KLF6: variants seen among roughly 807,000 people sequenced by gnomAD.
The protein encoded by KLF6 is KLF transcription factor 6.
For missense variants in KLF6, 233 were observed against 359.8 expected (o/e 0.65, Z 2.85); for synonymous variants, 152 against 147.9 (o/e 1.03, Z -0.20).
chr10:3,777,658 T>C lies in KLF6; in HGVS notation c.*1881A>G, dbSNP rs1438026231. 2.1e-6 allele frequency: 1 copy of C among 483,476 alleles called. No individual in the cohort carries two copies. The highest frequency in any genetic ancestry group is 4.8e-5 in the East Asian group (1 of 20,864). The allele number at this position is 483,476 out of a possible 1,614,324, so 29.9% of individuals were successfully genotyped here. ...GTTATGGTTTTCATTTTTACCTCCT[T>C]TATGGCCATTTTGAAATATTTCTTC... On this transcript the variant is annotated 3_prime_UTR_variant, in exon 4 of 4. Transcript: ENST00000497571.
chr10:3,779,042 TTTTTTTGA>T lies in KLF6; in HGVS notation c.*489_*496del, dbSNP rs1425924697. 2 of 527,198 alleles carry T rather than the reference TTTTTTTGA, an allele frequency of 3.8e-6. No homozygotes were observed. The highest frequency in any genetic ancestry group is 3.6e-6 in the Non-Finnish European group (1 of 274,604). 32.7% of individuals were successfully genotyped at this position (527,198 alleles called of 1,614,324 possible). Reference sequence around the variant, plus strand: ...TTCTTTTTTTGTTTTTGTTTTTTTGTTTTTTTGATTTTTCTTTTTTTTTCTAAGGTGCA... The same window carrying T: ...TTCTTTTTTTGTTTTTGTTTTTTTGTTTTTTCTTTTTTTTTCTAAGGTGCA... On this transcript the variant is annotated 3_prime_UTR_variant, in exon 4 of 4. Transcript: ENST00000497571.
rs772560807 is a variant in KLF6 at position 3,785,015 on chromosome 10, G to A, written c.-1C>T. 4 of 1,610,680 alleles carry A rather than the reference G, an allele frequency of 2.5e-6. No individual in the cohort carries two copies. ...TGCTGCACATGGGGAGCACGTCCAT[G>A]TCGGGCCGGGTTGGACGGAGCCCGC... is the stretch of plus-strand genomic sequence containing the variant. On this transcript the variant is annotated 5_prime_UTR_variant, in exon 1 of 4. Coordinates refer to ENST00000497571, the MANE Select transcript of KLF6 (RefSeq NM_001300.6).
chr10:3,779,436 G>C lies in KLF6; in HGVS notation c.*103C>G, dbSNP rs1447864612. The C allele has an allele frequency of 1.0e-6, 1 of 1,004,046 alleles. No homozygotes were observed. Among genetic ancestry groups the C allele is most frequent in the South Asian group, 1.3e-5 (1 of 76,592 alleles). The allele number at this position is 1,004,046 out of a possible 1,614,324, so 62.2% of individuals were successfully genotyped here. A position where few individuals can be genotyped will look rare whatever the true frequency, so the allele number is the denominator to read the frequency against. On this transcript the variant is annotated 3_prime_UTR_variant, in exon 4 of 4. Transcript: ENST00000497571. ...GAGAGGCCCTGGAGGCAACTGGGTAGGGTGCAGAACGGCATGCTTTGGCTG... is the reference window on the plus strand; with the variant it reads ...GAGAGGCCCTGGAGGCAACTGGGTACGGTGCAGAACGGCATGCTTTGGCTG...
chr10:3,781,362 TG>T lies in KLF6; in HGVS notation c.676+278del. 2.2e-6 allele frequency: 3 copies of T among 1,394,588 alleles called. No individual in the cohort carries two copies. The highest frequency in any genetic ancestry group is 2.8e-6 in the Non-Finnish European group (3 of 1,053,844). The allele number at this position is 1,394,588 out of a possible 1,614,324, so 86.4% of individuals were successfully genotyped here. A position where few individuals can be genotyped will look rare whatever the true frequency, so the allele number is the denominator to read the frequency against. On this transcript the variant is annotated intron_variant, in intron 2 of 3. Coordinates refer to ENST00000497571, the MANE Select transcript of KLF6 (RefSeq NM_001300.6). The surrounding 1 kb of genome is among the most constrained non-coding windows in gnomAD (Gnocchi z 5.8). ...TCGGATCCCCAGCACTACTAAGGGG[TG>T]GGGGGTGGAGGTTTGGGTGTCCGTG...
At position 3,776,529 on chromosome 10, in the gene KLF6, C is replaced by A. The variant is rs1300458635; in HGVS notation, c.*3010G>T. ...ATCTGTTCCAACAACCCCCTTCCCC[C>A]AAAAAAAACAACCAGACTCAAGATG... On this transcript the variant is annotated 3_prime_UTR_variant, in exon 4 of 4. Transcript: ENST00000497571. The A allele has an allele frequency of 3.6e-5, 19 of 522,832 alleles. No individual in the cohort carries two copies. Among genetic ancestry groups the A allele is most frequent in the Non-Finnish European group, 5.2e-5 (14 of 270,312 alleles). 32.4% of individuals were successfully genotyped at this position (522,832 alleles called of 1,614,324 possible). A position where few individuals can be genotyped will look rare whatever the true frequency, so the allele number is the denominator to read the frequency against.
In KLF6 at chr10:3,779,206, C is replaced by T; in HGVS notation, c.*333G>A. 2 of 562,614 alleles carry T rather than the reference C, an allele frequency of 3.6e-6. No homozygotes were observed. Among genetic ancestry groups the T allele is most frequent in the South Asian group, 1.5e-5 (1 of 65,426 alleles). 34.9% of individuals were successfully genotyped at this position (562,614 alleles called of 1,614,324 possible). A position where few individuals can be genotyped will look rare whatever the true frequency, so the allele number is the denominator to read the frequency against. On this transcript the variant is annotated 3_prime_UTR_variant, in exon 4 of 4. Coordinates refer to ENST00000497571, the MANE Select transcript of KLF6 (RefSeq NM_001300.6). ...GCTAACCACAAGGAAAAAAAGTTGG[C>T]CTCATCATACGGTCAGTAATAGATC...
At position 3,781,539 on chromosome 10, in the gene KLF6, C is replaced by G; in HGVS notation, c.676+102G>C. Reference sequence around the variant, plus strand: ...TCTGAGGAAGTGAGGATTTGTCTGCCCTGACCACATCCTGTGCAGCCAGGC... The same window carrying G: ...TCTGAGGAAGTGAGGATTTGTCTGCGCTGACCACATCCTGTGCAGCCAGGC... On this transcript the variant is annotated intron_variant, in intron 2 of 3. Coordinates refer to ENST00000497571, the MANE Select transcript of KLF6 (RefSeq NM_001300.6). The surrounding 1 kb of genome is among the most constrained non-coding windows in gnomAD (Gnocchi z 5.8). 6.4e-7 allele frequency: 1 copy of G among 1,563,166 alleles called. No homozygotes were observed. Among genetic ancestry groups the G allele is most frequent in the Non-Finnish European group, 8.7e-7 (1 of 1,153,812 alleles).
Position 3,779,299 on chromosome 10 carries a change from C to A in KLF6, c.*240G>T, listed in dbSNP as rs753024057. 3.0e-6 allele frequency: 2 copies of A among 657,054 alleles called. No individual in the cohort carries two copies. Among genetic ancestry groups the A allele is most frequent in the South Asian group, 3.0e-5 (2 of 66,246 alleles). The allele number at this position is 657,054 out of a possible 1,614,324, so 40.7% of individuals were successfully genotyped here. A position where few individuals can be genotyped will look rare whatever the true frequency, so the allele number is the denominator to read the frequency against. On this transcript the variant is annotated 3_prime_UTR_variant, in exon 4 of 4. Coordinates refer to ENST00000497571, the MANE Select transcript of KLF6 (RefSeq NM_001300.6). ...ATGCTCACGGCAAAGGCTTAGGCGC[C>A]GCTCGGAAGGGCGGGTACCAGTGGC...
rs1832507533 is a variant in KLF6 at position 3,781,098 on chromosome 10, AGCGGTATCAGAAACAAAG to A, written c.676+525_676+542del. On this transcript the variant is annotated intron_variant, in intron 2 of 3. Transcript: ENST00000497571. This position sits in a 1 kb window ranked among gnomAD's most constrained non-coding sequence, Gnocchi z 5.8. ...GGCATTTCATTAAGAAACTGTTTCA[AGCGGTATCAGAAACAAAG>A]GCTGCATGAGACACGGAGAAGTTCT... The A allele has an allele frequency of 5.3e-6, 1 of 187,332 alleles. No homozygotes were observed. 11.6% of individuals were successfully genotyped at this position (187,332 alleles called of 1,614,324 possible). A position where few individuals can be genotyped will look rare whatever the true frequency, so the allele number is the denominator to read the frequency against.
chr10:3,779,447 G>A lies in KLF6; in HGVS notation c.*92C>T, dbSNP rs769193355. Reference sequence around the variant, plus strand: ...GAGGCAACTGGGTAGGGTGCAGAACGGCATGCTTTGGCTGGAACACGCATC... The same window carrying A: ...GAGGCAACTGGGTAGGGTGCAGAACAGCATGCTTTGGCTGGAACACGCATC... On this transcript the variant is annotated 3_prime_UTR_variant, in exon 4 of 4. Transcript: ENST00000497571. 2.1e-5 allele frequency: 23 copies of A among 1,116,636 alleles called. No individual in the cohort carries two copies. Among genetic ancestry groups the A allele is most frequent in the Admixed American group, 5.3e-5 (3 of 56,792 alleles). The allele number at this position is 1,116,636 out of a possible 1,614,324, so 69.2% of individuals were successfully genotyped here.
Position 3,782,307 on chromosome 10 carries a change from C to CA in KLF6, c.103-94dup. On this transcript the variant is annotated intron_variant, in intron 1 of 3. Coordinates refer to ENST00000497571, the MANE Select transcript of KLF6 (RefSeq NM_001300.6). This position sits in a 1 kb window ranked among gnomAD's most constrained non-coding sequence, Gnocchi z 4.3. ...TCCAAAAACATGCAAGAATGAAGGA[C>CA]AGATAACATTGCTGCCCGGTCACTA... 1 of 1,019,710 alleles carries CA rather than the reference C, an allele frequency of 9.8e-7. No individual in the cohort carries two copies. Among genetic ancestry groups the CA allele is most frequent in the East Asian group, 2.5e-5 (1 of 40,804 alleles). The allele number at this position is 1,019,710 out of a possible 1,614,324, so 63.2% of individuals were successfully genotyped here. A position where few individuals can be genotyped will look rare whatever the true frequency, so the allele number is the denominator to read the frequency against.
rs531985967 is a variant in KLF6, at chr10:3,779,214, T to C, written c.*325A>G. On this transcript the variant is annotated 3_prime_UTR_variant, in exon 4 of 4. Transcript: ENST00000497571. ...CAAGGAAAAAAAGTTGGCCTCATCA[T>C]ACGGTCAGTAATAGATCCTCAACAT... The C allele has an allele frequency of 1.8e-6, 1 of 566,662 alleles. No homozygotes were observed. Among genetic ancestry groups the C allele is most frequent in the Non-Finnish European group, 3.4e-6 (1 of 298,268 alleles). 35.1% of individuals were successfully genotyped at this position (566,662 alleles called of 1,614,324 possible). A position where few individuals can be genotyped will look rare whatever the true frequency, so the allele number is the denominator to read the frequency against.
chr10:3,778,750 GTT>G lies in KLF6; in HGVS notation c.*787_*788del, dbSNP rs754473233. On this transcript the variant is annotated 3_prime_UTR_variant, in exon 4 of 4. Coordinates refer to ENST00000497571, the MANE Select transcript of KLF6 (RefSeq NM_001300.6). ...TGACTTAAAAATGGAAAAGCATATA[GTT>G]CCCCAGACCATGCATGACTTTTTGT... 1.9e-6 allele frequency: 1 copy of G among 530,298 alleles called. No individual in the cohort carries two copies. 32.8% of individuals were successfully genotyped at this position (530,298 alleles called of 1,614,324 possible).
rs1832561189 is a variant in KLF6 at position 3,782,797 on chromosome 10, T to C, written c.103-583A>G. Among the ~76,000 whole-genome samples the C allele has an allele frequency of 6.6e-6, 1 of 152,200 alleles. No individual in the cohort carries two copies. The highest frequency in any genetic ancestry group is 2.4e-5 in the African/African-American group (1 of 41,454). On this transcript the variant is annotated intron_variant, in intron 1 of 3. Coordinates refer to ENST00000497571, the MANE Select transcript of KLF6 (RefSeq NM_001300.6). This position sits in a 1 kb window ranked among gnomAD's most constrained non-coding sequence, Gnocchi z 4.3. The stretch of plus-strand genomic sequence containing the variant: ...GCTGTCTGTATTCAGGGGCATCGAA[T>C]GGAGCTGCAGAAAAACCACCCATTT...
In KLF6 at chr10:3,778,449, G is replaced by A. The variant is rs1199396182; in HGVS notation, c.*1090C>T. On this transcript the variant is annotated 3_prime_UTR_variant, in exon 4 of 4. Transcript: ENST00000497571. ...AAAATTTTAGGTTCTTAAGTCTAAT[G>A]AAACATTAGACCAGCAATTCCCAGC... is the stretch of plus-strand genomic sequence containing the variant. 1 of 525,878 alleles carries A rather than the reference G, an allele frequency of 1.9e-6. No homozygotes were observed. The highest frequency in any genetic ancestry group is 1.5e-5 in the South Asian group (1 of 65,096). 32.6% of individuals were successfully genotyped at this position (525,878 alleles called of 1,614,324 possible).
At chr10:3,783,959 T>G (rs71477837) in intron 1 of KLF6, among the ~76,000 whole-genome samples, 18,102 of 152,204 alleles carry the variant, frequency 0.12, 1,258 homozygotes, top group Non-Finnish European at 0.16. Context: ...AGGAGAGGAC[T>G]GTGAACAATT....
At position 3,782,831 on chromosome 10, in the gene KLF6, G is replaced by C. The variant is rs1208087929; in HGVS notation, c.103-617C>G. 6.6e-6 allele frequency among the ~76,000 whole-genome samples: 1 copy of C among 152,224 alleles called. No homozygotes were observed. Among genetic ancestry groups the C allele is most frequent in the African/African-American group, 2.4e-5 (1 of 41,464 alleles). On this transcript the variant is annotated intron_variant, in intron 1 of 3. Coordinates refer to ENST00000497571, the MANE Select transcript of KLF6 (RefSeq NM_001300.6). This position sits in a 1 kb window ranked among gnomAD's most constrained non-coding sequence, Gnocchi z 4.3. Reference sequence around the variant, plus strand: ...AGAAAAACCACCCATTTCCTGTGTAGCCCAGACCGCCTATGTTTTCACAGA... The same window carrying C: ...AGAAAAACCACCCATTTCCTGTGTACCCCAGACCGCCTATGTTTTCACAGA...
rs1832490911 is a variant in KLF6, at chr10:3,780,370, C to CA, written c.677-142dup. ...GGCATCGGTAACACACAACAACTGG[C>CA]AGCCTCAGAGAGACAACAGCAGCTC... On this transcript the variant is annotated intron_variant, in intron 2 of 3. Transcript: ENST00000497571. The surrounding 1 kb of genome is among the most constrained non-coding windows in gnomAD (Gnocchi z 4.6). 1.0e-6 allele frequency: 1 copy of CA among 980,544 alleles called. No homozygotes were observed. The highest frequency in any genetic ancestry group is 1.6e-6 in the Non-Finnish European group (1 of 622,652). 60.7% of individuals were successfully genotyped at this position (980,544 alleles called of 1,614,324 possible).
rs368625021 is a variant in KLF6, at chr10:3,782,242, G to A, written c.103-28C>T. On this transcript the variant is annotated intron_variant, in intron 1 of 3. Coordinates refer to ENST00000497571, the MANE Select transcript of KLF6 (RefSeq NM_001300.6). This position sits in a 1 kb window ranked among gnomAD's most constrained non-coding sequence, Gnocchi z 4.3. ...GTGCAAAATGAACCAGAGAAGGCAC[G>A]TGATTGCCATGACGACCAAAAGTAA... 19 of 1,572,064 alleles carry A rather than the reference G, an allele frequency of 1.2e-5. No homozygotes were observed. In the African/African-American group the frequency reaches 1.6e-4, roughly 13 times the overall value.
Sources: allele counts gnomAD v4.1 joint callset (sites outside exome capture counted in the v4.1 genomes callset), GRCh38; gene constraint gnomAD v4.1.1; non-coding constraint Gnocchi (gnomAD v3.1); transcripts MANE v1.5; gene names NCBI Gene and HGNC (gene_info 2026-07-23, HGNC 2026-07-21).